The following HIVEP3 variants were observed in gnomAD, a reference collection of about 807,000 sequenced individuals.
The protein encoded by HIVEP3 is transcription factor HIVEP3.
Under a neutral mutation model 152.8 loss-of-function variants are expected in HIVEP3, and 49 were observed. The ratio of observed to expected loss-of-function variants is 0.32; its 90% CI spans 0.26 to 0.41. HIVEP3 has a LOEUF of 0.41. Ranked by LOEUF, HIVEP3 falls within the 10% of genes least tolerant of loss-of-function variation. The pLI, the probability that HIVEP3 is intolerant of heterozygous loss-of-function variation, is 1.00. For missense variants in HIVEP3, 2,790 were observed against 3,103.3 expected (o/e 0.90, Z 2.40); for synonymous variants, 1,269 against 1,289.0 (o/e 0.98, Z 0.33).
rs1219191855 is a variant in HIVEP3, at chr1:41,787,531, CTTTCTTTT to C, written c.-800-86544_-800-86537del. On this transcript the variant is annotated intron_variant, in intron 1 of 8. Transcript: ENST00000372583. ...GTGATTTTCTCTTTTCCTTTTCTTT[CTTTCTTTT>C]TTTTTTTTTTTTTTAATGGGATTTT... 5.7e-3 allele frequency among the ~76,000 whole-genome samples: 753 copies of C among 132,478 alleles called. 6 individuals are homozygous for C. Among genetic ancestry groups the C allele is most frequent in the African/African-American group, 0.025 (697 of 27,768 alleles). The allele number at this position is 132,478 out of a possible 152,430, so 86.9% of individuals were successfully genotyped here.
chr1:41,680,769 C>T (rs527493369), intron 2 of HIVEP3, among the ~76,000 whole-genome samples: 3 of 152,296 alleles, frequency 2.0e-5, no homozygotes, highest in South Asian at 2.1e-4. Flanking sequence ...TCTACAACAA[C>T]GTATTGTACA....
intron 1 of HIVEP3, among the ~76,000 whole-genome samples, chr1:42,022,907 T>C (rs76341182): frequency 0.045 from 6,807 of 152,318 alleles, 208 homozygotes; most frequent in South Asian, 0.11. Flanking sequence ...ACACAGTCCC[T>C]GTCCTCACAA....
At chr1:41,545,584 T>TCACCACCACCACCACCACCACCACCAC (rs1558049155) in intron 5 of HIVEP3, among the ~76,000 whole-genome samples, 1 of 15,258 alleles carries the variant, frequency 6.6e-5, no homozygotes, top group Non-Finnish European at 1.6e-4. Flanking sequence ...ACCACCACCA[T>TCACCACCACCACCACCACCACCACCAC]CACCATCACC....
chr1:41,683,588 G>T (rs1646072057), intron 2 of HIVEP3, among the ~76,000 whole-genome samples: 1 of 152,190 alleles, frequency 6.6e-6, no homozygotes, highest in African/African-American at 2.4e-5. Context: ...TAAAGGAAAG[G>T]GTTATTGCCT....
intron 1 of HIVEP3, among the ~76,000 whole-genome samples, chr1:42,002,540 C>T (rs1319933090): frequency 6.6e-6 from 1 of 152,224 alleles, no homozygotes; most frequent in African/African-American, 2.4e-5. Context: ...TAGTAGGGTT[C>T]CCCATGAACA....
At chr1:41,649,355 C>G (rs2124008247) in intron 2 of HIVEP3, among the ~76,000 whole-genome samples, 1 of 152,362 alleles carries the variant, frequency 6.6e-6, no homozygotes, top group African/African-American at 2.4e-5. Context: ...AGCTGCGGGG[C>G]AGGGCCCAGG....
In HIVEP3 at chr1:41,582,002, C is replaced by A. The variant is rs767142923; in HGVS notation, c.2796G>T (p.Pro932=). Residue 932 remains proline (P), a synonymous_variant, in exon 4 of 9, where the codon CCG becomes CCT. Coordinates refer to ENST00000372583, the MANE Select transcript of HIVEP3 (RefSeq NM_024503.5). The surrounding 1 kb of genome is among the most constrained non-coding windows in gnomAD (Gnocchi z 4.7). The stretch of plus-strand genomic sequence containing the variant: ...TCAAAGAGACATTGCTTTCCTGGCT[C>A]GGGCTGCGAGACAGAGGCACAGAGG... ...FESSVPLSRS[P]SQESNVSLSG... is the part of the protein sequence containing the mutation. 1.9e-6 allele frequency: 3 copies of A among 1,614,142 alleles called. No individual in the cohort carries two copies. The highest frequency in any genetic ancestry group is 2.5e-6 in the Non-Finnish European group (3 of 1,180,026).
chr1:41,540,932 T>C (rs1441446019), intron 5 of HIVEP3, among the ~76,000 whole-genome samples: 1 of 151,966 alleles, frequency 6.6e-6, no homozygotes, highest in Non-Finnish European at 1.5e-5. Context: ...AGCTGGACTC[T>C]AAATGGACAC....
intron 5 of HIVEP3, among the ~76,000 whole-genome samples, chr1:41,557,103 G>C (rs766360338): frequency 2.2e-4 from 33 of 152,244 alleles, no homozygotes; most frequent in Non-Finnish European, 3.5e-4. Context: ...TTGTTTTGGT[G>C]GTTCAAGGTC....
chr1:41,560,320 T>C (rs1395081741), intron 5 of HIVEP3, among the ~76,000 whole-genome samples: 7 of 152,158 alleles, frequency 4.6e-5, no homozygotes, highest in Non-Finnish European at 1.0e-4. Context: ...AGGTGTGCTG[T>C]TGTCACCTAG....
At chr1:41,523,252 C>A (rs902541422) in intron 6 of HIVEP3, among the ~76,000 whole-genome samples, 2 of 152,180 alleles carry the variant, frequency 1.3e-5, no homozygotes, top group African/African-American at 4.8e-5. Flanking sequence ...GCATGCTGGG[C>A]AGGGCTGCAG....
At chr1:41,602,904 A>G (rs1307144032) in intron 3 of HIVEP3, among the ~76,000 whole-genome samples, 1 of 151,602 alleles carries the variant, frequency 6.6e-6, no homozygotes, top group Non-Finnish European at 1.5e-5. Context: ...AAGTTTTGGT[A>G]TGTTGTGTTT....
At chr1:41,671,768 C>T (rs1038264775) in intron 2 of HIVEP3, among the ~76,000 whole-genome samples, 1 of 152,208 alleles carries the variant, frequency 6.6e-6, no homozygotes, top group Non-Finnish European at 1.5e-5. Flanking sequence ...ACTAGGAGAG[C>T]ACAAAGGAAG....
rs1642431407 is a variant in HIVEP3 at position 41,511,885 on chromosome 1, G to A, written c.6406-619C>T. On this transcript the variant is annotated intron_variant, in intron 8 of 8. Transcript: ENST00000372583. The surrounding 1 kb of genome is among the most constrained non-coding windows in gnomAD (Gnocchi z 4.9). ...CTGAGGGGACAGGGATGGTGACTGT[G>A]CTCATGGGGTGGCAGCAGTGGTGTG... 6.6e-6 allele frequency among the ~76,000 whole-genome samples: 1 copy of A among 152,152 alleles called. No homozygotes were observed. The highest frequency in any genetic ancestry group is 1.9e-4 in the East Asian group (1 of 5,192).
At chr1:42,000,322 G>A (rs373140806) in intron 1 of HIVEP3, among the ~76,000 whole-genome samples, 5 of 152,148 alleles carry the variant, frequency 3.3e-5, no homozygotes, top group African/African-American at 1.2e-4. Context: ...CCCCCAGGGG[G>A]CACCTTTGTA....
At chr1:41,684,668 A>G (rs1646088291) in intron 2 of HIVEP3, among the ~76,000 whole-genome samples, 2 of 152,216 alleles carry the variant, frequency 1.3e-5, no homozygotes, top group Non-Finnish European at 2.9e-5. Flanking sequence ...AATCTGTAAA[A>G]TGAGATTACA....
intron 5 of HIVEP3, among the ~76,000 whole-genome samples, chr1:41,562,730 G>C (rs752152451): frequency 3.3e-5 from 5 of 151,824 alleles, no homozygotes; most frequent in African/African-American, 4.8e-5. Flanking sequence ...GTAAACTTTT[G>C]GAAGCTGGAA....
chr1:41,962,046 T>C (rs16828930), intron 1 of HIVEP3, among the ~76,000 whole-genome samples: 3,944 of 152,280 alleles, frequency 0.026, 192 homozygotes, highest in African/African-American at 0.091. Context: ...ACCCCTGAGG[T>C]AAGAGATCAG....
chr1:41,950,309 GCAAAACAAAA>G (rs201599847), intron 1 of HIVEP3, among the ~76,000 whole-genome samples: 4 of 151,730 alleles, frequency 2.6e-5, no homozygotes, highest in East Asian at 1.9e-4. Context: ...TCTTGCAACT[GCAAAACAAAA>G]CAAAACAAAA....
Sources: allele counts gnomAD v4.1 joint callset (sites outside exome capture counted in the v4.1 genomes callset), GRCh38; gene constraint gnomAD v4.1.1; non-coding constraint Gnocchi (gnomAD v3.1); transcripts MANE v1.5; gene names NCBI Gene and HGNC (gene_info 2026-07-23, HGNC 2026-07-21).